HCN1: variants seen among roughly 807,000 people sequenced by gnomAD.
HCN1 encodes hyperpolarization activated cyclic nucleotide gated potassium channel 1, also known as potassium/sodium hyperpolarization-activated cyclic nucleotide-gated channel 1.
Under a neutral mutation model 78.9 loss-of-function variants are expected in HCN1, and 13 were observed. The ratio of observed to expected loss-of-function variants is 0.16; its 90% confidence interval spans 0.11 to 0.26. The LOEUF (loss-of-function observed/expected upper bound fraction) is 0.26, where lower values mean the gene tolerates loss of function less well. HCN1 is among the 10% of genes least tolerant of loss of function. The pLI, the probability that HCN1 is intolerant of heterozygous loss-of-function variation, is 1.00. For missense variants in HCN1, 810 were observed against 1,154.3 expected (o/e 0.70, Z 4.32); for synonymous variants, 552 against 455.5 (o/e 1.21, Z -2.70).
intron 2 of HCN1, among the ~76,000 whole-genome samples, chr5:45,486,988 GTCTCT>G (rs1741782454): frequency 6.6e-6 from 1 of 152,026 alleles, no homozygotes; most frequent in African/African-American, 2.4e-5. Flanking sequence ...TTTCACAAGT[GTCTCT>G]TCTATGTTTC....
At chr5:45,610,624 CTTAA>C (rs967701180) in intron 2 of HCN1, among the ~76,000 whole-genome samples, 40 of 149,546 alleles carry the variant, frequency 2.7e-4, no homozygotes, top group East Asian at 9.9e-4. Context: ...AAATATTTTT[CTTAA>C]TTATTAGATT....
At chr5:45,303,008 T>C (rs1412247309) in intron 6 of HCN1, among the ~76,000 whole-genome samples, 4 of 152,086 alleles carry the variant, frequency 2.6e-5, no homozygotes, top group African/African-American at 9.7e-5. Context: ...GAAAATGAAC[T>C]AATATAGAAA....
At chr5:45,537,296 T>G (rs571247967) in intron 2 of HCN1, among the ~76,000 whole-genome samples, 9 of 152,270 alleles carry the variant, frequency 5.9e-5, no homozygotes, top group African/African-American at 2.2e-4. Context: ...GATAGTTATC[T>G]GCTAAAGTTT....
chr5:45,675,137 T>G (rs1746240505), intron 1 of HCN1, among the ~76,000 whole-genome samples: 1 of 151,656 alleles, frequency 6.6e-6, no homozygotes, highest in Non-Finnish European at 1.5e-5. Flanking sequence ...ACATATATCC[T>G]GCAAGAAGCA....
intron 2 of HCN1, chr5:45,480,031 G>A (rs756388137): frequency 2.6e-5 from 4 of 152,560 alleles, no homozygotes; most frequent in Admixed American, 6.6e-5. Context: ...TCTAGCCTAT[G>A]AGGGGCTCAT....
chr5:45,418,259 G>T (rs962722364), intron 3 of HCN1, among the ~76,000 whole-genome samples: 3 of 151,526 alleles, frequency 2.0e-5, no homozygotes, highest in African/African-American at 2.4e-5. Flanking sequence ...AGAAAGGTGA[G>T]AAAACATATT....
At chr5:45,584,803 G>A (rs1744172689) in intron 2 of HCN1, among the ~76,000 whole-genome samples, 1 of 152,116 alleles carries the variant, frequency 6.6e-6, no homozygotes, top group Non-Finnish European at 1.5e-5. Flanking sequence ...TAGTTTGGCT[G>A]GATATGAAAT....
Position 45,645,245 on chromosome 5 carries a change from G to A in HCN1, c.789C>T (p.Leu263=), listed in dbSNP as rs1359320329. ...ALRIVRFTKI[L]SLLRLLRLSR... is the part of the protein sequence containing the mutation. The stretch of plus-strand genomic sequence containing the variant: ...AAAGTCGTAATAAACGCAAGAGACT[G>A]AGAATTTTTGTAAACCTCACAATGC... Residue 263 remains leucine, a synonymous_variant, in exon 2 of 8, where the codon CTC becomes CTT. Transcript: ENST00000303230. The A allele has an allele frequency of 3.1e-6, 5 of 1,613,466 alleles. No homozygotes were observed. Among genetic ancestry groups the A allele is most frequent in the East Asian group, 2.2e-5 (1 of 44,856 alleles).
intron 1 of HCN1, among the ~76,000 whole-genome samples, chr5:45,658,764 A>G (rs1315005326): frequency 6.6e-6 from 1 of 151,846 alleles, no homozygotes; most frequent in African/African-American, 2.4e-5. Flanking sequence ...AAAACGGCGC[A>G]CCACGAGACT....
At chr5:45,554,992 A>G (rs1406270241) in intron 2 of HCN1, among the ~76,000 whole-genome samples, 2 of 151,976 alleles carry the variant, frequency 1.3e-5, no homozygotes, top group Non-Finnish European at 2.9e-5. Context: ...TGGCTGCTCC[A>G]AAATCCCCCT....
At chr5:45,581,479 A>T (rs1744071465) in intron 2 of HCN1, among the ~76,000 whole-genome samples, 1 of 151,864 alleles carries the variant, frequency 6.6e-6, no homozygotes, top group Admixed American at 6.6e-5. Context: ...TTGCCTGTTC[A>T]CTCTGATGGC....
chr5:45,666,008 C>G (rs764265528), intron 1 of HCN1, among the ~76,000 whole-genome samples: 1 of 151,962 alleles, frequency 6.6e-6, no homozygotes, highest in Non-Finnish European at 1.5e-5. Context: ...GTAATACTCT[C>G]CCCCCAAGTT....
chr5:45,385,642 G>C (rs922100562), intron 4 of HCN1, among the ~76,000 whole-genome samples: 1 of 148,248 alleles, frequency 6.7e-6, no homozygotes, highest in African/African-American at 2.6e-5. Flanking sequence ...TATTTGCAAG[G>C]TATGTTTCAG....
At chr5:45,362,018 T>A (rs1048048536) in intron 4 of HCN1, among the ~76,000 whole-genome samples, 2 of 152,102 alleles carry the variant, frequency 1.3e-5, no homozygotes, top group Admixed American at 1.3e-4. Flanking sequence ...GGTTAGATGA[T>A]TGGTAGAAGT....
chr5:45,292,783 A>G (rs1483467438), intron 6 of HCN1, among the ~76,000 whole-genome samples: 1 of 152,008 alleles, frequency 6.6e-6, no homozygotes, highest in East Asian at 1.9e-4. Context: ...GCAGTGACAA[A>G]GAAAATATAT....
At position 45,695,577 on chromosome 5, in the gene HCN1, C is replaced by G. The variant is rs964345206; in HGVS notation, c.425+92G>C. ...GCAGCGCCACCCCCCGCCCGCCCTC[C>G]TAGTCCCCGGGACGCCCCCCACCCA... On this transcript the variant is annotated intron_variant, in intron 1 of 7. Coordinates refer to ENST00000303230, the MANE Select transcript of HCN1 (RefSeq NM_021072.4). 3.1e-6 allele frequency: 4 copies of G among 1,307,058 alleles called. No individual in the cohort carries two copies. In the African/African-American group the frequency reaches 5.9e-5, roughly 19 times the overall value. 81.0% of individuals were successfully genotyped at this position (1,307,058 alleles called of 1,614,324 possible).
Position 45,537,392 on chromosome 5 carries a change from A to AT in HCN1, c.850-75386dup, listed in dbSNP as rs563659143. On this transcript the variant is annotated intron_variant, in intron 2 of 7. Coordinates refer to ENST00000303230, the MANE Select transcript of HCN1 (RefSeq NM_021072.4). ...AATCCTGGTACACAGCTGATTATGC[A>AT]TTTTTTTTTGTTTTTTTTTAACAAT... Among the ~76,000 whole-genome samples the AT allele has an allele frequency of 6.3e-4, 55 of 87,048 alleles. No individual in the cohort carries two copies. In the Middle Eastern group the frequency reaches 0.027, roughly 42 times the overall value. 57.1% of individuals were successfully genotyped at this position (87,048 alleles called of 152,430 possible).
At chr5:45,692,499 G>A (rs569091002) in intron 1 of HCN1, among the ~76,000 whole-genome samples, 3 of 152,244 alleles carry the variant, frequency 2.0e-5, no homozygotes, top group African/African-American at 7.2e-5. Context: ...ACAAAAACAT[G>A]AGCTTGTTGT....
At chr5:45,504,722 T>A (rs1003413538) in intron 2 of HCN1, among the ~76,000 whole-genome samples, 1 of 152,228 alleles carries the variant, frequency 6.6e-6, no homozygotes, top group East Asian at 1.9e-4. Flanking sequence ...ACCAACAGTG[T>A]AAAAGTGTTC....
Sources: allele counts gnomAD v4.1 joint callset (sites outside exome capture counted in the v4.1 genomes callset), GRCh38; gene constraint gnomAD v4.1.1; transcripts MANE v1.5; gene names NCBI Gene and HGNC (gene_info 2026-07-23, HGNC 2026-07-21).